Variants in OR2T1 observed in about 807,000 individuals in gnomAD.
OR2T1 encodes olfactory receptor 2T1.
For synonymous variants in OR2T1, 186 were observed against 145.4 expected (o/e 1.28, Z -2.01); for missense variants, 440 against 390.2 (o/e 1.13, Z -1.07).
rs1366899464 is a variant in OR2T1, at chr1:248,406,712, G to A, written c.565G>A (p.Ala189Thr). 2 of 1,614,106 alleles carry A rather than the reference G, an allele frequency of 1.2e-6. No individual in the cohort carries two copies. The highest frequency in any genetic ancestry group is 4.5e-5 in the East Asian group (2 of 44,872). Residue 189 changes from alanine (A) to threonine (T), a missense_variant, in exon 2 of 2, where the codon GCA (alanine) becomes ACA (threonine). By Grantham distance (58) the Ala-to-Thr change is moderately conservative. Coordinates refer to ENST00000642005, the MANE Select transcript of OR2T1 (RefSeq NM_030904.2). ...EAPAVLKLAC[A>T]DTALYETVMY... ...ACCAGCAGTCCTGAAGTTGGCATGT[G>A]CAGACACAGCCCTCTACGAGACAGT... is the stretch of plus-strand genomic sequence containing the variant.
intron 1 of OR2T1, among the ~76,000 whole-genome samples, chr1:248,405,838 T>C (rs369115724): frequency 1.5e-4 from 23 of 152,244 alleles, no homozygotes; most frequent in African/African-American, 5.3e-4. Context: ...CTGTGTAGCA[T>C]GGTATGCAAC....
chr1:248,404,111 G>A (rs954103368), intron 1 of OR2T1, among the ~76,000 whole-genome samples: 1 of 7,684 alleles, frequency 1.3e-4, no homozygotes, highest in South Asian at 2.1e-3. Flanking sequence ...TTTCTTAATT[G>A]CCAGAGCTAC....
chr1:248,407,796 G>A lies in OR2T1; in HGVS notation c.*692G>A, dbSNP rs1246636559. ...TGCTCTTCCAGACCTCACCCTCTGT[G>A]TCTTTTCATCTGACTGTTTCTGTGT... is the stretch of plus-strand genomic sequence containing the variant. On this transcript the variant is annotated 3_prime_UTR_variant, in exon 2 of 2. Transcript: ENST00000642005. 6.6e-6 allele frequency: 1 copy of A among 152,334 alleles called. No homozygotes were observed. Among genetic ancestry groups the A allele is most frequent in the East Asian group, 1.9e-4 (1 of 5,184 alleles). 9.4% of individuals were successfully genotyped at this position (152,334 alleles called of 1,614,324 possible).
Position 248,406,985 on chromosome 1 carries a change from C to G in OR2T1, c.838C>G (p.Leu280Val). Residue 280 changes from leucine to valine, a missense_variant, in exon 2 of 2, where the codon CTC (leucine) becomes GTC (valine). By Grantham distance (32) the Leu-to-Val change is conservative. Coordinates refer to ENST00000642005, the MANE Select transcript of OR2T1 (RefSeq NM_030904.2). The part of the protein sequence containing the change: ...DKVLSVFYTI[L>V]TPMLNPLIYS... ...AGTCCTCTCTGTGTTTTACACCATT[C>G]TCACACCCATGCTGAACCCCCTCAT... The G allele has an allele frequency of 6.2e-7, 1 of 1,614,146 alleles. No individual in the cohort carries two copies. Among genetic ancestry groups the G allele is most frequent in the Non-Finnish European group, 8.5e-7 (1 of 1,179,996 alleles).
At chr1:248,403,659 A>T (rs1661476537) in intron 1 of OR2T1, among the ~76,000 whole-genome samples, 1 of 152,176 alleles carries the variant, frequency 6.6e-6, no homozygotes, top group South Asian at 2.1e-4. Context: ...TATGTGTACT[A>T]AACCATAGCA....
chr1:248,403,752 A>G (rs1323309472), intron 1 of OR2T1, among the ~76,000 whole-genome samples: 1 of 152,162 alleles, frequency 6.6e-6, no homozygotes, highest in East Asian at 1.9e-4. Context: ...CAGATAATAA[A>G]TTTAACAAAA....
chr1:248,404,245 G>GGCTATTACAAATACGTGTGTGTGTATA, intron 1 of OR2T1, among the ~76,000 whole-genome samples: 18 of 151,076 alleles, frequency 1.2e-4, no homozygotes, highest in South Asian at 4.2e-4. Flanking sequence ...AGACAGCAGA[G>GGCTATTACAAATACGTGTGTGTGTATA]ACCACTGTTT....
In OR2T1 at chr1:248,406,191, G is replaced by A. The variant is rs1353252656; in HGVS notation, c.44G>A (p.Gly15Glu). Residue 15 changes from glycine (G) to glutamate (E), a missense_variant, in exon 2 of 2, where the codon GGG becomes GAG. Coordinates refer to ENST00000642005, the MANE Select transcript of OR2T1 (RefSeq NM_030904.2). ...NTSSTDFTFM[G>E]LFNRKETSGL... ...TCCTCTACAGACTTCACTTTCATGG[G>A]GCTGTTCAACAGAAAGGAAACCTCA... is the stretch of plus-strand genomic sequence containing the variant. The A allele has an allele frequency of 6.2e-7, 1 of 1,613,790 alleles. No homozygotes were observed. Among genetic ancestry groups the A allele is most frequent in the African/African-American group, 1.3e-5 (1 of 74,822 alleles).
chr1:248,406,813 T>C lies in OR2T1; in HGVS notation c.666T>C (p.Thr222=), dbSNP rs771104833. 1.9e-6 allele frequency: 3 copies of C among 1,614,192 alleles called. No homozygotes were observed. In the South Asian group the frequency reaches 3.3e-5, roughly 18 times the overall value. ...VVLASYARIL[T]TVQCMSSVEG... is the part of the protein sequence containing the mutation. Reference sequence around the variant, plus strand: ...TTGCTTCCTATGCCCGAATCCTGACTACAGTTCAGTGCATGAGCTCAGTGG... The same window carrying C: ...TTGCTTCCTATGCCCGAATCCTGACCACAGTTCAGTGCATGAGCTCAGTGG... The change falls in exon 2 of 2, where the codon ACT becomes ACC. Residue 222 remains threonine, a synonymous_variant. Transcript: ENST00000642005.
At position 248,407,241 on chromosome 1, in the gene OR2T1, C is replaced by A; in HGVS notation, c.*137C>A. The A allele has an allele frequency of 1.2e-6, 1 of 814,286 alleles. No individual in the cohort carries two copies. The highest frequency in any genetic ancestry group is 1.9e-6 in the Non-Finnish European group (1 of 536,834). The allele number at this position is 814,286 out of a possible 1,614,324, so 50.4% of individuals were successfully genotyped here. A position where few individuals can be genotyped will look rare whatever the true frequency, so the allele number is the denominator to read the frequency against. ...GGTTTTTTGGCTAGGGTTTCTGGTTCATAACTCCATAGTTATGATGTTGTG... is the reference window on the plus strand; with the variant it reads ...GGTTTTTTGGCTAGGGTTTCTGGTTAATAACTCCATAGTTATGATGTTGTG... On this transcript the variant is annotated 3_prime_UTR_variant, in exon 2 of 2. Coordinates refer to ENST00000642005, the MANE Select transcript of OR2T1 (RefSeq NM_030904.2).
In OR2T1 at chr1:248,407,759, C is replaced by A. The variant is rs928995539; in HGVS notation, c.*655C>A. The A allele has an allele frequency of 6.6e-6, 1 of 152,306 alleles. No individual in the cohort carries two copies. Among genetic ancestry groups the A allele is most frequent in the African/African-American group, 2.4e-5 (1 of 41,466 alleles). 9.4% of individuals were successfully genotyped at this position (152,306 alleles called of 1,614,324 possible). A position where few individuals can be genotyped will look rare whatever the true frequency, so the allele number is the denominator to read the frequency against. On this transcript the variant is annotated 3_prime_UTR_variant, in exon 2 of 2. Coordinates refer to ENST00000642005, the MANE Select transcript of OR2T1 (RefSeq NM_030904.2). Reference sequence around the variant, plus strand: ...GTGGCATGTCCCAACTCCACAGAGGCAGAAGCTCTTATGCTCTTCCAGACC... The same window carrying A: ...GTGGCATGTCCCAACTCCACAGAGGAAGAAGCTCTTATGCTCTTCCAGACC...
chr1:248,407,829 G>A lies in OR2T1; in HGVS notation c.*725G>A, dbSNP rs1456484645. The A allele has an allele frequency of 6.6e-6, 1 of 152,206 alleles. No individual in the cohort carries two copies. Among genetic ancestry groups the A allele is most frequent in the African/African-American group, 2.4e-5 (1 of 41,440 alleles). The allele number at this position is 152,206 out of a possible 1,614,324, so 9.4% of individuals were successfully genotyped here. A position where few individuals can be genotyped will look rare whatever the true frequency, so the allele number is the denominator to read the frequency against. On this transcript the variant is annotated 3_prime_UTR_variant, in exon 2 of 2. Transcript: ENST00000642005. ...ATCTGACTGTTTCTGTGTATCCTTT[G>A]TAATATCATTTATAACAAGTGGTAA...
chr1:248,406,709 T>C lies in OR2T1; in HGVS notation c.562T>C (p.Cys188Arg), dbSNP rs779809053. The C allele has an allele frequency of 1.9e-6, 3 of 1,614,136 alleles. No individual in the cohort carries two copies. The highest frequency in any genetic ancestry group is 4.5e-5 in the East Asian group (2 of 44,880). ...GGCACCAGCAGTCCTGAAGTTGGCA[T>C]GTGCAGACACAGCCCTCTACGAGAC... ...CEAPAVLKLA[C>R]ADTALYETVM... Residue 188 changes from cysteine (C) to arginine (R), a missense_variant, in exon 2 of 2, where the codon TGT (cysteine) becomes CGT (arginine). Cys to Arg is a radical substitution (Grantham distance 180, BLOSUM62 -3). Coordinates refer to ENST00000642005, the MANE Select transcript of OR2T1 (RefSeq NM_030904.2).
intron 1 of OR2T1, among the ~76,000 whole-genome samples, chr1:248,404,546 T>TTTTATATATATATATATA (rs1661513208): frequency 7.4e-6 from 1 of 135,106 alleles, no homozygotes; most frequent in African/African-American, 2.5e-5. Context: ...AAAATATACA[T>TTTTATATATATATATATA]TATATATATA....
chr1:248,405,931 T>C (rs1273802203), intron 1 of OR2T1, 184 bp from the exon 2 acceptor site: 2 of 1,351,022 alleles, frequency 1.5e-6, no homozygotes, highest in Non-Finnish European at 2.0e-6. Context: ...CAATTATTGA[T>C]TAATAATGAC....
rs773058473 is a variant in OR2T1 at position 248,406,423 on chromosome 1, C to T, written c.276C>T (p.Ser92=). 1 of 1,614,084 alleles carries T rather than the reference C, an allele frequency of 6.2e-7. No homozygotes were observed. The highest frequency in any genetic ancestry group is 8.5e-7 in the Non-Finnish European group (1 of 1,179,986). ...ACCTGCTGGATCAAAGGACCATTTC[C>T]TTTGTGGGGTGCACAGCTCAACACT... is the stretch of plus-strand genomic sequence containing the variant. The part of the protein sequence containing the change: ...VNYLLDQRTI[S]FVGCTAQHFL... Residue 92 remains serine (S), a synonymous_variant, in exon 2 of 2, where the codon TCC becomes TCT. Transcript: ENST00000642005.
chr1:248,403,111 G>GT lies in OR2T1; in HGVS notation c.-162dup, dbSNP rs796215999. ...TCTGCAAGCTTAATTGAAATGCACA[G>GT]TTTTTTCTGAGAATTTCTACTAAGT... On this transcript the variant is annotated 5_prime_UTR_variant, in exon 1 of 2. It removes the in-frame stop codon of an upstream open reading frame in the 5' UTR. Transcript: ENST00000642005. 2 of 152,074 alleles carry GT rather than the reference G, an allele frequency of 1.3e-5. No individual in the cohort carries two copies. The highest frequency in any genetic ancestry group is 2.9e-5 in the Non-Finnish European group (2 of 68,014). 9.4% of individuals were successfully genotyped at this position (152,074 alleles called of 1,614,324 possible).
intron 1 of OR2T1, among the ~76,000 whole-genome samples, chr1:248,404,707 A>T (rs1661517435): frequency 6.6e-6 from 1 of 152,050 alleles, no homozygotes; most frequent in Admixed American, 6.6e-5. Context: ...TAGTCACATT[A>T]GTTATTACAT....
chr1:248,404,314 A>G (rs1218480452), intron 1 of OR2T1, among the ~76,000 whole-genome samples: 1 of 2,066 alleles, frequency 4.8e-4, no homozygotes, highest in East Asian at 9.3e-3. Context: ...CGCATGATAA[A>G]AGTCAAACCG....
Sources: allele counts gnomAD v4.1 joint callset (sites outside exome capture counted in the v4.1 genomes callset), GRCh38; gene constraint gnomAD v4.1.1; transcripts MANE v1.5; gene names NCBI Gene and HGNC (gene_info 2026-07-23, HGNC 2026-07-21).